Variants in TENT4B observed in about 807,000 individuals in gnomAD.
TENT4B encodes terminal nucleotidyltransferase 4B.
Under a neutral mutation model 75.0 loss-of-function variants are expected in TENT4B, and 10 were observed. That is an observed-to-expected ratio of 0.13 (90% CI 0.08 to 0.23). The LOEUF is 0.23. Ranked by LOEUF, TENT4B falls within the 10% of genes least tolerant of loss-of-function variation. The probability of loss-of-function intolerance (pLI) is 1.00; values close to 1 mark genes in which losing one functional copy is unlikely to be tolerated. For missense variants in TENT4B, 579 were observed against 893.8 expected (o/e 0.65, Z 4.49); for synonymous variants, 350 against 357.7 (o/e 0.98, Z 0.24).
In TENT4B at chr16:50,159,594, C is replaced by T. The variant is rs544734897; in HGVS notation, c.638+5335C>T. Among the ~76,000 whole-genome samples, 40 of 152,104 alleles carry T rather than the reference C, an allele frequency of 2.6e-4. 1 individual carries two copies. Among genetic ancestry groups the T allele is most frequent in the Non-Finnish European group, 3.2e-4 (22 of 68,014 alleles). The stretch of plus-strand genomic sequence containing the variant: ...CAATGAGATTGGTGTTACTGCTGGG[C>T]TCCAAAGCAATCAGACAGATTAAAG... On this transcript the variant is annotated intron_variant, in intron 1 of 11. Coordinates refer to ENST00000561678, the MANE Select transcript of TENT4B (RefSeq NM_001365324.3).
At chr16:50,162,530 C>T (rs2038021363) in intron 1 of TENT4B, among the ~76,000 whole-genome samples, 1 of 151,944 alleles carries the variant, frequency 6.6e-6, no homozygotes, top group South Asian at 2.1e-4. Context: ...GCCTGTTTTG[C>T]CTTATATTAA....
At chr16:50,182,264 A>C (rs2038429874) in intron 1 of TENT4B, among the ~76,000 whole-genome samples, 1 of 152,194 alleles carries the variant, frequency 6.6e-6, no homozygotes, top group East Asian at 1.9e-4. Flanking sequence ...GCCATAAAAA[A>C]AGGAGAAAAA....
intron 1 of TENT4B, among the ~76,000 whole-genome samples, chr16:50,193,407 G>A (rs1359865631): frequency 6.9e-6 from 1 of 144,012 alleles, no homozygotes. Flanking sequence ...GCACGATCTC[G>A]GCTCACTGCA....
At chr16:50,183,905 G>A (rs747340756) in intron 1 of TENT4B, among the ~76,000 whole-genome samples, 4 of 152,146 alleles carry the variant, frequency 2.6e-5, no homozygotes, top group African/African-American at 9.7e-5. Context: ...TTAGCCAGGC[G>A]TGGTGGCTAA....
intron 1 of TENT4B, among the ~76,000 whole-genome samples, chr16:50,173,831 T>G (rs1265613538): frequency 6.6e-6 from 1 of 152,008 alleles, no homozygotes; most frequent in Non-Finnish European, 1.5e-5. Context: ...GTAGCTGGGA[T>G]TACAGGCGCC....
upstream of TENT4B, chr16:50,153,091 C>T (rs2037791745): frequency 1.7e-5 from 22 of 1,329,220 alleles, no homozygotes; most frequent in South Asian, 1.5e-4. Flanking sequence ...GTTGCGGCCC[C>T]GTCGCGCCGC....
chr16:50,214,163 C>T, intron 2 of TENT4B, 58 bp from the exon 3 acceptor site: 2 of 1,315,646 alleles, frequency 1.5e-6, no homozygotes, highest in Non-Finnish European at 2.2e-6. Flanking sequence ...CTTGGTGACT[C>T]AATATGATAA....
At chr16:50,176,039 T>TC (rs2038301630) in intron 1 of TENT4B, among the ~76,000 whole-genome samples, 1 of 151,752 alleles carries the variant, frequency 6.6e-6, no homozygotes, top group Non-Finnish European at 1.5e-5. Flanking sequence ...TACCTTGGCC[T>TC]CCCAAAGTGT....
chr16:50,193,162 C>T (rs546095120), intron 1 of TENT4B, among the ~76,000 whole-genome samples: 5 of 152,150 alleles, frequency 3.3e-5, no homozygotes, highest in Middle Eastern at 3.4e-3. Context: ...GGTTTGCTGA[C>T]TTCTGGTAGA....
At chr16:50,155,233 T>C (rs1357324417) in intron 1 of TENT4B, among the ~76,000 whole-genome samples, 2 of 151,374 alleles carry the variant, frequency 1.3e-5, no homozygotes, top group East Asian at 3.9e-4. Flanking sequence ...GGTCACTGAA[T>C]CTTATTTGTT....
chr16:50,231,998 T>G lies in TENT4B; in HGVS notation c.*2670T>G. The G allele has an allele frequency of 2.0e-6, 2 of 985,030 alleles. No individual in the cohort carries two copies. The highest frequency in any genetic ancestry group is 2.4e-6 in the Non-Finnish European group (2 of 829,538). The allele number at this position is 985,030 out of a possible 1,614,324, so 61.0% of individuals were successfully genotyped here. ...CATAACCTTCCTTTGCTAATACTTG[T>G]TGAATGGGATTTTACAAATTCTCCC... On this transcript the variant is annotated 3_prime_UTR_variant, in exon 12 of 12. Coordinates refer to ENST00000561678, the MANE Select transcript of TENT4B (RefSeq NM_001365324.3).
Position 50,211,371 on chromosome 16 carries a change from TGAG to T in TENT4B, c.694_696del (p.Glu232del). On this transcript the variant is annotated inframe_deletion, in exon 2 of 12. Transcript: ENST00000561678. ...TTTATGAATACATGTCTCCAAGACC[TGAG>T]GAGGAGAAGATGCGGATGGAGGTGG... 6.2e-7 allele frequency: 1 copy of T among 1,607,018 alleles called. No homozygotes were observed. The highest frequency in any genetic ancestry group is 8.5e-7 in the Non-Finnish European group (1 of 1,178,288).
intron 1 of TENT4B, among the ~76,000 whole-genome samples, chr16:50,162,146 A>G (rs1221454808): frequency 2.0e-5 from 3 of 152,156 alleles, no homozygotes; most frequent in African/African-American, 4.8e-5. Flanking sequence ...TCTTTTTACT[A>G]TTGAGTAGTA....
chr16:50,207,192 A>G (rs1463558852), intron 1 of TENT4B, among the ~76,000 whole-genome samples: 4 of 144,382 alleles, frequency 2.8e-5, no homozygotes, highest in Admixed American at 2.8e-4. Flanking sequence ...AAATTTTTTT[A>G]TTTTTTTGAG....
intron 2 of TENT4B, 64 bp downstream of exon 2, chr16:50,211,510 T>C (rs2031278094): frequency 1.2e-5 from 17 of 1,456,638 alleles, no homozygotes; most frequent in Non-Finnish European, 1.5e-5. Flanking sequence ...GAAGCCTATC[T>C]GCTGGTATCT....
rs191166213 is a variant in TENT4B, at chr16:50,200,664, T to C, written c.639-10659T>C. ...TTAATATGTTTACTTCTCATCTATG[T>C]ATCTTCTTTAGTGAGGCCTTTGTTT... On this transcript the variant is annotated intron_variant, in intron 1 of 11. Coordinates refer to ENST00000561678, the MANE Select transcript of TENT4B (RefSeq NM_001365324.3). Among the ~76,000 whole-genome samples, 88 of 152,300 alleles carry C rather than the reference T, an allele frequency of 5.8e-4. 1 individual carries two copies. The Middle Eastern group carries it at 0.017, about 29-fold the overall frequency.
rs1230319424 is a variant in TENT4B, at chr16:50,232,107, G to T, written c.*2779G>T. 1.0e-6 allele frequency: 1 copy of T among 985,218 alleles called. No homozygotes were observed. Among genetic ancestry groups the T allele is most frequent in the Non-Finnish European group, 1.2e-6 (1 of 829,922 alleles). 61.0% of individuals were successfully genotyped at this position (985,218 alleles called of 1,614,324 possible). On this transcript the variant is annotated 3_prime_UTR_variant, in exon 12 of 12. Transcript: ENST00000561678. ...AATATTTAAAGACTGTTTTTTAGAG[G>T]AGCTGATGGGTTGGTGAGGTGTCAG...
At chr16:50,183,205 G>A (rs189308379) in intron 1 of TENT4B, among the ~76,000 whole-genome samples, 7 of 151,690 alleles carry the variant, frequency 4.6e-5, no homozygotes, top group Admixed American at 2.6e-4. Flanking sequence ...CACCACACCC[G>A]GCTAATTTTT....
intron 1 of TENT4B, among the ~76,000 whole-genome samples, chr16:50,190,336 C>G (rs926694146): frequency 3.3e-5 from 5 of 151,756 alleles, no homozygotes; most frequent in Admixed American, 3.3e-4. Context: ...ACAACATTTA[C>G]CTTGTAAGCA....
Sources: allele counts gnomAD v4.1 joint callset (sites outside exome capture counted in the v4.1 genomes callset), GRCh38; gene constraint gnomAD v4.1.1; transcripts MANE v1.5; gene names NCBI Gene and HGNC (gene_info 2026-07-23, HGNC 2026-07-21).